PSMD11: variants seen among roughly 807,000 people sequenced by gnomAD.
The protein encoded by PSMD11 is 26S proteasome non-ATPase regulatory subunit 11.
PSMD11 carries 5 observed loss-of-function variants against 62.3 expected under a neutral mutation model. The observed-to-expected ratio is 0.08, with a 90% CI of 0.04 to 0.17. PSMD11 has a LOEUF of 0.17. Among genes scored for constraint, PSMD11 ranks in the 10% least tolerant of loss-of-function variants. The pLI, the probability that PSMD11 is intolerant of heterozygous loss-of-function variation, is 1.00. For synonymous variants in PSMD11, 191 were observed against 191.8 expected (o/e 1.00, Z 0.03); for missense variants, 310 against 512.9 (o/e 0.60, Z 3.82).
intron 5 of PSMD11, among the ~76,000 whole-genome samples, chr17:32,465,203 C>T (rs1024131097): frequency 5.9e-5 from 9 of 152,076 alleles, no homozygotes; most frequent in African/African-American, 2.2e-4. Context: ...TCGCTGCAAC[C>T]TCTGCCTTTC....
intron 3 of PSMD11, among the ~76,000 whole-genome samples, chr17:32,460,266 GC>G (rs1293021814): frequency 1.3e-5 from 2 of 151,874 alleles, no homozygotes; most frequent in Admixed American, 1.3e-4. Context: ...TTGCTATGTT[GC>G]CCAGGCTGGT....
At chr17:32,466,453 C>T (rs912077710) in intron 5 of PSMD11, among the ~76,000 whole-genome samples, 6 of 152,150 alleles carry the variant, frequency 3.9e-5, no homozygotes, top group African/African-American at 4.8e-5. Flanking sequence ...TCTTCTTTCA[C>T]GTAGCATTAT....
At chr17:32,471,961 T>G (rs530193476) in intron 6 of PSMD11, among the ~76,000 whole-genome samples, 1 of 152,132 alleles carries the variant, frequency 6.6e-6, no homozygotes. Flanking sequence ...ATCATCAGCC[T>G]CCCAGGCTCA....
chr17:32,475,140 A>G (rs1265857767), intron 8 of PSMD11, among the ~76,000 whole-genome samples: 1 of 152,188 alleles, frequency 6.6e-6, no homozygotes, highest in African/African-American at 2.4e-5. Flanking sequence ...TGAGTTGTGA[A>G]TTTAACATAG....
At chr17:32,459,115 C>CATATATATATACATATATATAT (rs1907738811) in intron 3 of PSMD11, among the ~76,000 whole-genome samples, 1 of 111,882 alleles carries the variant, frequency 8.9e-6, no homozygotes, top group African/African-American at 3.5e-5. Context: ...AAAAAAAATA[C>CATATATATATACATATATATAT]ATATATATAT....
intron 6 of PSMD11, among the ~76,000 whole-genome samples, chr17:32,469,416 A>C (rs1908093516): frequency 6.6e-6 from 1 of 152,150 alleles, no homozygotes. Context: ...AGGCAATCTG[A>C]CTTTTAGAAC....
chr17:32,478,238 C>T (rs995302835), intron 9 of PSMD11, among the ~76,000 whole-genome samples: 3 of 152,194 alleles, frequency 2.0e-5, no homozygotes, highest in Admixed American at 6.5e-5. Flanking sequence ...TTAATAAAAA[C>T]AAAACCTAGA....
Position 32,480,521 on chromosome 17 carries a change from A to G in PSMD11, c.1159A>G (p.Ile387Val). The G allele has an allele frequency of 6.2e-7, 1 of 1,614,052 alleles. No individual in the cohort carries two copies. Among genetic ancestry groups the G allele is most frequent in the Non-Finnish European group, 8.5e-7 (1 of 1,179,992 alleles). ...ILDQGEGVLI[I>V]FDEPPVDKTY... ...GGACCAGGGGGAGGGTGTCCTGATT[A>G]TTTTCGATGAACCCCCAGTAGATAA... Residue 387 changes from isoleucine to valine, a missense_variant, in exon 13 of 14, where the codon ATT becomes GTT. Around this residue, in one of 6 missense-constraint regions of PSMD11, gnomAD observed 135 missense variants for 195.4 expected, o/e 0.69. Coordinates refer to ENST00000261712, the MANE Select transcript of PSMD11 (RefSeq NM_002815.4).
intron 3 of PSMD11, among the ~76,000 whole-genome samples, chr17:32,461,892 G>A (rs565916345): frequency 1.2e-4 from 19 of 152,302 alleles, no homozygotes; most frequent in African/African-American, 4.1e-4. Flanking sequence ...TGAGTTTAGA[G>A]TTGGAGATTA....
chr17:32,473,750 T>C (rs1908240783), intron 6 of PSMD11, 51 bp from the exon 7 acceptor site: 1 of 1,594,474 alleles, frequency 6.3e-7, no homozygotes, highest in Non-Finnish European at 8.6e-7. Context: ...CTCTGATCTT[T>C]TATGGCTCTA....
At chr17:32,464,622 GT>G in intron 5 of PSMD11, 44 bp downstream of exon 5, 1 of 1,496,644 alleles carries the variant, frequency 6.7e-7, no homozygotes, top group South Asian at 1.2e-5. Context: ...CTAAATGAAT[GT>G]ATTCTAAACC....
rs563726973 is a variant in PSMD11, at chr17:32,461,249, T to G, written c.319-2800T>G. Reference sequence around the variant, plus strand: ...CACACCACCACACCCTGCTAATTTTTTGTATTTTTCGTAGAGATGGGGTTT... The same window carrying G: ...CACACCACCACACCCTGCTAATTTTGTGTATTTTTCGTAGAGATGGGGTTT... On this transcript the variant is annotated intron_variant, in intron 3 of 13. Transcript: ENST00000261712. 4.0e-4 allele frequency among the ~76,000 whole-genome samples: 61 copies of G among 152,166 alleles called. 2 individuals are homozygous for G. In the South Asian group the frequency reaches 0.012, roughly 31 times the overall value.
chr17:32,473,328 G>A (rs1267407780), intron 6 of PSMD11, among the ~76,000 whole-genome samples: 1 of 151,406 alleles, frequency 6.6e-6, no homozygotes, highest in Non-Finnish European at 1.5e-5. Flanking sequence ...CCAGGCTGGA[G>A]TGCAGTGGCG....
chr17:32,479,777 C>G, intron 10 of PSMD11, 74 bp from the exon 11 acceptor site: 1 of 1,515,242 alleles, frequency 6.6e-7, no homozygotes, highest in Non-Finnish European at 9.2e-7. Flanking sequence ...AGTTCTCCCC[C>G]TGTTCCCTCC....
intron 1 of PSMD11, 137 bp from the exon 2 acceptor site, chr17:32,446,808 T>TG (rs1316834643): frequency 4.2e-6 from 2 of 471,736 alleles, no homozygotes; most frequent in South Asian, 3.0e-5. Context: ...CTTAGAGTTT[T>TG]TTTTTTTTTT....
Position 32,454,562 on chromosome 17 carries a change from C to T in PSMD11, c.261C>T (p.Arg87=). The T allele has an allele frequency of 1.2e-6, 2 of 1,614,060 alleles. No homozygotes were observed. The highest frequency in any genetic ancestry group is 1.7e-6 in the Non-Finnish European group (2 of 1,179,936). The change falls in exon 3 of 14, where the codon CGC becomes CGT. Residue 87 remains arginine, a synonymous_variant. Coordinates refer to ENST00000261712, the MANE Select transcript of PSMD11 (RefSeq NM_002815.4). ...CCATCAGCAAGGCTAAAGCAGCTCGCCTGGTCCGATCTCTTCTTGATCTGT... is the reference window on the plus strand; with the variant it reads ...CCATCAGCAAGGCTAAAGCAGCTCGTCTGGTCCGATCTCTTCTTGATCTGT... The part of the protein sequence containing the change: ...LNSISKAKAA[R]LVRSLLDLFL...
intron 1 of PSMD11, chr17:32,444,902 C>CTAG (rs1907282933): frequency 4.0e-6 from 2 of 501,406 alleles, no homozygotes; most frequent in Non-Finnish European, 7.0e-6. Flanking sequence ...GGATCCCTCC[C>CTAG]TAGCCATGTC....
intron 5 of PSMD11, among the ~76,000 whole-genome samples, chr17:32,465,221 A>G (rs1456402828): frequency 6.6e-6 from 1 of 152,052 alleles, no homozygotes; most frequent in African/African-American, 2.4e-5. Flanking sequence ...TTCAGGTTCA[A>G]GCGATTCTCC....
Position 32,473,429 on chromosome 17 carries a change from A to G in PSMD11, c.644-372A>G, listed in dbSNP as rs966260748. 3.0e-4 allele frequency among the ~76,000 whole-genome samples: 46 copies of G among 151,914 alleles called. 1 individual carries two copies. The highest frequency in any genetic ancestry group is 1.1e-3 in the African/African-American group (45 of 41,436). The stretch of plus-strand genomic sequence containing the variant: ...GTAGCAGGGATTACAGGCATGCGCT[A>G]CCACACCCAGCTAATTTTTTTTGTA... On this transcript the variant is annotated intron_variant, in intron 6 of 13. Coordinates refer to ENST00000261712, the MANE Select transcript of PSMD11 (RefSeq NM_002815.4).
Sources: gnomAD v4.1 joint callset for allele counts (sites outside exome capture counted in the v4.1 genomes callset) on GRCh38, gnomAD v4.1.1 for gene constraint, gnomAD v4.1.1 regional missense constraint, MANE v1.5 for transcripts, NCBI Gene and HGNC (gene_info 2026-07-23, HGNC 2026-07-21) for gene names.